Variants in PAPPA2 observed in about 807,000 individuals in gnomAD.
PAPPA2 encodes pappalysin-2.
In PAPPA2, 86 loss-of-function variants were observed where a neutral mutation model predicts 176.4. The observed-to-expected ratio is 0.49, with a 90% confidence interval of 0.41 to 0.58. PAPPA2 has a LOEUF of 0.58. Ranked by LOEUF, PAPPA2 falls within the 20% of genes least tolerant of loss-of-function variation. The pLI is 0.00. For missense variants in PAPPA2, 2,073 were observed against 2,256.9 expected (o/e 0.92, Z 1.65); for synonymous variants, 809 against 852.2 (o/e 0.95, Z 0.88).
At chr1:176,780,411 T>C (rs531560811) in intron 17 of PAPPA2, among the ~76,000 whole-genome samples, 1 of 152,228 alleles carries the variant, frequency 6.6e-6, no homozygotes, top group Non-Finnish European at 1.5e-5. Flanking sequence ...GCTCTTCCCC[T>C]GCCCTGACTC....
chr1:176,692,370 C>A, intron 6 of PAPPA2, 52 bp downstream of exon 6: 1 of 1,491,534 alleles, frequency 6.7e-7, no homozygotes. Context: ...TGTGGCATTT[C>A]ATATGAATGA....
chr1:176,588,547 C>T lies in PAPPA2; in HGVS notation c.920-5977C>T, dbSNP rs573179981. On this transcript the variant is annotated intron_variant, in intron 2 of 22. Transcript: ENST00000367662. ...GGGTAGGATGTGTTGGCTTTAATTCCACATGGACACAGTAGTCTCTAGTCA... is the reference window on the plus strand; with the variant it reads ...GGGTAGGATGTGTTGGCTTTAATTCTACATGGACACAGTAGTCTCTAGTCA... Among the ~76,000 whole-genome samples, 120 of 152,270 alleles carry T rather than the reference C, an allele frequency of 7.9e-4. 2 individuals are homozygous for T. Among genetic ancestry groups the T allele is most frequent in the South Asian group, 5.2e-3 (25 of 4,822 alleles).
intron 3 of PAPPA2, among the ~76,000 whole-genome samples, chr1:176,648,711 T>A (rs1392640032): frequency 6.6e-6 from 1 of 151,682 alleles, no homozygotes; most frequent in Non-Finnish European, 1.5e-5. Context: ...TTGTTCTTGG[T>A]TATGTTAATG....
intron 21 of PAPPA2, among the ~76,000 whole-genome samples, chr1:176,817,803 A>T (rs1666467509): frequency 6.6e-6 from 1 of 152,066 alleles, no homozygotes; most frequent in South Asian, 2.1e-4. Context: ...CTTTAGACTG[A>T]GTTTGTTCAG....
At chr1:176,623,576 CTCCTTCCTTCCTTCCT>C (rs200667738) in intron 3 of PAPPA2, among the ~76,000 whole-genome samples, 92 of 84,974 alleles carry the variant, frequency 1.1e-3, no homozygotes, top group East Asian at 7.3e-3. Flanking sequence ...CCTTCCTTCC[CTCCTTCCTTCCTTCCT>C]TCCTTCCTTC....
At chr1:176,634,751 T>C (rs1278360271) in intron 3 of PAPPA2, among the ~76,000 whole-genome samples, 1 of 151,858 alleles carries the variant, frequency 6.6e-6, no homozygotes, top group Non-Finnish European at 1.5e-5. Flanking sequence ...AGAAGTTTCA[T>C]TGATTTCCAC....
intron 1 of PAPPA2, among the ~76,000 whole-genome samples, chr1:176,499,631 A>G (rs1647838488): frequency 6.6e-6 from 1 of 152,188 alleles, no homozygotes; most frequent in African/African-American, 2.4e-5. Flanking sequence ...AGGGGAGACC[A>G]TGGTGAACAG....
chr1:176,539,067 T>C (rs1405944669), intron 1 of PAPPA2, among the ~76,000 whole-genome samples: 1 of 152,214 alleles, frequency 6.6e-6, no homozygotes, highest in African/African-American at 2.4e-5. Flanking sequence ...TCAAGTTTAA[T>C]AGGTGCTAAG....
intron 14 of PAPPA2, among the ~76,000 whole-genome samples, chr1:176,759,644 C>T (rs905921014): frequency 6.6e-6 from 1 of 152,156 alleles, no homozygotes; most frequent in Non-Finnish European, 1.5e-5. Context: ...TTGCTAGGAA[C>T]TACTGAGCTC....
At chr1:176,713,236 G>T (rs938787957) in intron 12 of PAPPA2, among the ~76,000 whole-genome samples, 2 of 151,194 alleles carry the variant, frequency 1.3e-5, no homozygotes, top group African/African-American at 2.4e-5. Context: ...GCTTACTATA[G>T]CCTTGAACTC....
chr1:176,534,045 T>G (rs1486902261), intron 1 of PAPPA2, among the ~76,000 whole-genome samples: 2 of 152,222 alleles, frequency 1.3e-5, no homozygotes, highest in Middle Eastern at 3.2e-3. Flanking sequence ...ACGTATTTGA[T>G]TATACAAAAT....
chr1:176,796,524 A>G, intron 20 of PAPPA2, among the ~76,000 whole-genome samples: 1 of 152,160 alleles, frequency 6.6e-6, no homozygotes, highest in Non-Finnish European at 1.5e-5. Context: ...CTTTAACAAG[A>G]CATTTAACCA....
At chr1:176,514,444 C>A (rs1339503518) in intron 1 of PAPPA2, among the ~76,000 whole-genome samples, 2 of 152,166 alleles carry the variant, frequency 1.3e-5, no homozygotes, top group Non-Finnish European at 2.9e-5. Flanking sequence ...CAAATTTCAA[C>A]GTGGATTTGG....
intron 12 of PAPPA2, among the ~76,000 whole-genome samples, chr1:176,718,832 G>A (rs1391873476): frequency 6.6e-6 from 1 of 151,928 alleles, no homozygotes; most frequent in Non-Finnish European, 1.5e-5. Context: ...AGTATTACAT[G>A]TACTTTGAAA....
chr1:176,471,839 C>A (rs1429586141), intron 1 of PAPPA2, among the ~76,000 whole-genome samples: 1 of 152,184 alleles, frequency 6.6e-6, no homozygotes, highest in East Asian at 1.9e-4. Context: ...TTCTTGTAGG[C>A]CGGATGTTGC....
Position 176,594,623 on chromosome 1 carries a change from T to C in PAPPA2, c.1019T>C (p.Phe340Ser), listed in dbSNP as rs1653852431. ...DKGKRDARFF[F>S]SLCTDRVKKA... ...GGAAAGCGGGATGCTCGCTTCTTCT[T>C]CTCCCTCTGCACCGACCGCGTGAAG... Residue 340 changes from phenylalanine to serine, a missense_variant, in exon 3 of 23, where the codon TTC becomes TCC. Phe to Ser is a radical substitution (Grantham distance 155, BLOSUM62 -2). Coordinates refer to ENST00000367662, the MANE Select transcript of PAPPA2 (RefSeq NM_020318.3). 1 of 1,614,122 alleles carries C rather than the reference T, an allele frequency of 6.2e-7. No individual in the cohort carries two copies. The highest frequency in any genetic ancestry group is 8.5e-7 in the Non-Finnish European group (1 of 1,180,014).
At chr1:176,776,590 A>G (rs1664466893) in intron 17 of PAPPA2, among the ~76,000 whole-genome samples, 1 of 152,008 alleles carries the variant, frequency 6.6e-6, no homozygotes, top group African/African-American at 2.4e-5. Context: ...ATTGGGGGAG[A>G]GCCTGAGATG....
chr1:176,742,965 A>T (rs941517096), intron 14 of PAPPA2, among the ~76,000 whole-genome samples: 1 of 152,142 alleles, frequency 6.6e-6, no homozygotes, highest in Non-Finnish European at 1.5e-5. Flanking sequence ...CTTTAAAACC[A>T]ACCTGATTGG....
At chr1:176,464,382 G>A (rs958403992) in intron 1 of PAPPA2, among the ~76,000 whole-genome samples, 5 of 152,066 alleles carry the variant, frequency 3.3e-5, no homozygotes, top group Non-Finnish European at 7.3e-5. Flanking sequence ...TATTTATTGA[G>A]CACCTACAAT....
Sources: allele counts gnomAD v4.1 joint callset (sites outside exome capture counted in the v4.1 genomes callset), GRCh38; gene constraint gnomAD v4.1.1; transcripts MANE v1.5; gene names NCBI Gene and HGNC (gene_info 2026-07-23, HGNC 2026-07-21).